Variants in CMTR1 observed in about 807,000 individuals in gnomAD.
CMTR1 encodes the protein cap methyltransferase 1.
CMTR1 carries 39 observed loss-of-function variants against 107.0 expected under a neutral mutation model. That is an observed-to-expected ratio of 0.36 (90% CI 0.28 to 0.48). The LOEUF is 0.48. Ranked by LOEUF, CMTR1 falls within the 20% of genes least tolerant of loss-of-function variation. The pLI is 0.99. For missense variants in CMTR1, 672 were observed against 1,064.9 expected, an observed-to-expected ratio of 0.63 and a Z score of 5.14; for synonymous variants, 366 against 379.5, an observed-to-expected ratio of 0.96 and a Z score of 0.41.
chr6:37,474,664 T>G lies in CMTR1; in HGVS notation c.1944+18T>G. The G allele has an allele frequency of 1.2e-6, 2 of 1,612,770 alleles. No homozygotes were observed. The highest frequency in any genetic ancestry group is 1.7e-6 in the Non-Finnish European group (2 of 1,179,264). ...AAGGGGAGGTCAGAGATGGTTCTGC[T>G]CAGGTGTTGGCCCTGCAGCTAGGGG... is the stretch of plus-strand genomic sequence containing the variant. On this transcript the variant is annotated intron_variant, in intron 18 of 23. Transcript: ENST00000373451.
At position 37,475,346 on chromosome 6, in the gene CMTR1, C is replaced by T; in HGVS notation, c.1970C>T (p.Ala657Val). Residue 657 changes from alanine to valine, a missense_variant, in exon 19 of 24, where the codon GCC becomes GTC. Transcript: ENST00000373451. ...GGGAAGGCCCAGAGGAAGATCAGTG[C>T]CATCCACATCCTCGATGTCCTTGTG... Reference protein sequence around the residue: ...GEGKAQRKISAIHILDVLVLN... With the variant: ...GEGKAQRKISVIHILDVLVLN... The T allele has an allele frequency of 6.2e-7, 1 of 1,614,014 alleles. No individual in the cohort carries two copies. Among genetic ancestry groups the T allele is most frequent in the Non-Finnish European group, 8.5e-7 (1 of 1,179,954 alleles).
upstream of CMTR1, among the ~76,000 whole-genome samples, chr6:37,428,653 T>A (rs748583074): frequency 6.6e-6 from 1 of 152,182 alleles, no homozygotes; most frequent in Non-Finnish European, 1.5e-5. Context: ...AGACGGCGTT[T>A]CACCATGTTG....
intron 13 of CMTR1, among the ~76,000 whole-genome samples, chr6:37,466,193 A>G (rs1324983573): frequency 6.7e-6 from 1 of 149,490 alleles, no homozygotes; most frequent in Non-Finnish European, 1.5e-5. Flanking sequence ...GCTCACTGCA[A>G]CCTCTGCCTC....
intron 2 of CMTR1, among the ~76,000 whole-genome samples, chr6:37,442,939 G>A (rs1241127873): frequency 6.6e-6 from 1 of 152,122 alleles, no homozygotes; most frequent in Non-Finnish European, 1.5e-5. Flanking sequence ...AAGGAATTAT[G>A]CCACATTGCT....
At chr6:37,478,946 C>T (rs535201698) in intron 22 of CMTR1, among the ~76,000 whole-genome samples, 13 of 152,066 alleles carry the variant, frequency 8.5e-5, no homozygotes, top group Non-Finnish European at 1.6e-4. Flanking sequence ...GGGGTGGGGT[C>T]GTTGAGAAGA....
Position 37,473,455 on chromosome 6 carries a change from G to A in CMTR1, c.1690-15G>A, listed in dbSNP as rs372362793. The A allele has an allele frequency of 5.0e-6, 8 of 1,610,248 alleles. No individual in the cohort carries two copies. Among genetic ancestry groups the A allele is most frequent in the Non-Finnish European group, 5.9e-6 (7 of 1,177,952 alleles). ...CCCCCAACCCGGCAGTGTTTTCTCTGACTCGTGGCTGCAGGGCACTGAGAT... is the reference window on the plus strand; with the variant it reads ...CCCCCAACCCGGCAGTGTTTTCTCTAACTCGTGGCTGCAGGGCACTGAGAT... On this transcript the variant is annotated splice_polypyrimidine_tract_variant and intron_variant, in intron 16 of 23. Transcript: ENST00000373451.
At chr6:37,436,929 A>T (rs188712733) in intron 2 of CMTR1, among the ~76,000 whole-genome samples, 67 of 152,288 alleles carry the variant, frequency 4.4e-4, no homozygotes, top group Admixed American at 1.5e-3. Context: ...CTTTGAAGGT[A>T]GTAGGAAATA....
At chr6:37,428,052 GAGAGAGAGAA>G in the CMTR1 span, among the ~76,000 whole-genome samples, 1 of 134,796 alleles carries the variant, frequency 7.4e-6, no homozygotes, top group African/African-American at 3.0e-5. Flanking sequence ...GAGAGAGAGA[GAGAGAGAGAA>G]ACTCTCTAAA....
intron 2 of CMTR1, among the ~76,000 whole-genome samples, chr6:37,443,356 T>G (rs1771713406): frequency 6.7e-6 from 1 of 148,290 alleles, no homozygotes; most frequent in East Asian, 1.9e-4. Context: ...ACAATGTACT[T>G]TCTTTTTTTT....
At chr6:37,425,023 A>G in the CMTR1 span, among the ~76,000 whole-genome samples, 1 of 139,056 alleles carries the variant, frequency 7.2e-6, no homozygotes, top group African/African-American at 2.7e-5. Context: ...ATCTCAGCTC[A>G]CTGCAACCTC....
At chr6:37,437,384 G>A (rs535185491) in intron 2 of CMTR1, among the ~76,000 whole-genome samples, 10 of 151,874 alleles carry the variant, frequency 6.6e-5, no homozygotes, top group Non-Finnish European at 1.0e-4. Context: ...AAAAGTAGCC[G>A]GGCGTGGTGG....
intron 4 of CMTR1, 39 bp from the exon 5 acceptor site, chr6:37,450,212 G>A (rs766989451): frequency 6.5e-7 from 1 of 1,531,112 alleles, no homozygotes; most frequent in Non-Finnish European, 9.1e-7. Context: ...CTTTGAGGGT[G>A]TGTCATATCT....
intron 13 of CMTR1, among the ~76,000 whole-genome samples, chr6:37,467,602 G>C (rs1339985566): frequency 6.6e-6 from 1 of 152,132 alleles, no homozygotes; most frequent in Non-Finnish European, 1.5e-5. Flanking sequence ...TGTGTCTTCT[G>C]TTAGTTTTGT....
intron 3 of CMTR1, among the ~76,000 whole-genome samples, chr6:37,445,464 A>G (rs1009620877): frequency 3.4e-5 from 5 of 146,956 alleles, no homozygotes; most frequent in African/African-American, 1.0e-4. Context: ...CCAGAGTATT[A>G]TAGTCCTCCC....
chr6:37,481,088 C>CT lies in CMTR1; in HGVS notation c.*944dup, dbSNP rs1268714736. 3 of 1,304,202 alleles carry CT rather than the reference C, an allele frequency of 2.3e-6. No individual in the cohort carries two copies. The highest frequency in any genetic ancestry group is 1.5e-5 in the African/African-American group (1 of 65,868). 80.8% of individuals were successfully genotyped at this position (1,304,202 alleles called of 1,614,324 possible). A position where few individuals can be genotyped will look rare whatever the true frequency, so the allele number is the denominator to read the frequency against. ...CTGAGCTTGAAGTGCAGCTCCCTTA[C>CT]TACCCTTTCCCTTCCTTTTTCTTCC... On this transcript the variant is annotated 3_prime_UTR_variant, in exon 24 of 24. Transcript: ENST00000373451.
At chr6:37,459,826 C>A in intron 10 of CMTR1, 142 bp downstream of exon 10, 1 of 694,830 alleles carries the variant, frequency 1.4e-6, no homozygotes, top group Non-Finnish European at 2.6e-6. Flanking sequence ...CATTTTTATT[C>A]TTTTTATACA....
chr6:37,434,918 C>T (rs1771492750), intron 1 of CMTR1, among the ~76,000 whole-genome samples: 1 of 152,152 alleles, frequency 6.6e-6, no homozygotes, highest in South Asian at 2.1e-4. Flanking sequence ...AGCTGGTTTC[C>T]ACTCTTTTTT....
At chr6:37,477,729 C>T (rs879117693) in intron 21 of CMTR1, 90 bp downstream of exon 21, 8 of 396,948 alleles carry the variant, frequency 2.0e-5, no homozygotes, top group Admixed American at 1.1e-4. Context: ...TAAGATGGGT[C>T]GGGGGCGGGG....
intron 21 of CMTR1, 45 bp from the exon 22 acceptor site, chr6:37,478,364 C>T: frequency 2.1e-6 from 3 of 1,439,376 alleles, no homozygotes; most frequent in Non-Finnish European, 2.9e-6. Context: ...TTTTATCAGC[C>T]AGGGCCTTTT....
Sources: allele counts gnomAD v4.1 joint callset (sites outside exome capture counted in the v4.1 genomes callset), GRCh38; gene constraint gnomAD v4.1.1; transcripts MANE v1.5; gene names NCBI Gene and HGNC (gene_info 2026-07-23, HGNC 2026-07-21).